Variants in LRRC7 observed in about 807,000 individuals in gnomAD.
The protein encoded by LRRC7 is leucine-rich repeat-containing protein 7.
In LRRC7, 23 loss-of-function variants were observed where a neutral mutation model predicts 175.7. The ratio of observed to expected loss-of-function variants is 0.13; its 90% confidence interval spans 0.09 to 0.19. The LOEUF is 0.19. LRRC7 is among the 10% of genes least tolerant of loss of function. The pLI, the probability that LRRC7 is intolerant of heterozygous loss-of-function variation, is 1.00. For synonymous variants in LRRC7, 685 were observed against 680.9 expected (o/e 1.01, Z -0.09); for missense variants, 1,354 against 1,904.7 (o/e 0.71, Z 5.38).
chr1:69,648,070 G>T (rs972861251), intron 1 of LRRC7, among the ~76,000 whole-genome samples: 11 of 151,852 alleles, frequency 7.2e-5, no homozygotes, highest in South Asian at 2.1e-4. Context: ...TAATTTTAAT[G>T]ATTCAATTTT....
At chr1:69,986,847 C>T (rs1004551890) in intron 10 of LRRC7, among the ~76,000 whole-genome samples, 2 of 152,096 alleles carry the variant, frequency 1.3e-5, no homozygotes, top group African/African-American at 4.8e-5. Flanking sequence ...CTTCTTAGTT[C>T]TATTATTTTT....
intron 7 of LRRC7, among the ~76,000 whole-genome samples, chr1:69,889,003 C>T (rs1645749175): frequency 6.6e-6 from 1 of 152,170 alleles, no homozygotes; most frequent in East Asian, 1.9e-4. Flanking sequence ...TGCATATAAA[C>T]ATTATGTTTA....
chr1:69,836,015 A>G (rs1405383635), intron 6 of LRRC7, among the ~76,000 whole-genome samples: 1 of 151,970 alleles, frequency 6.6e-6, no homozygotes, highest in African/African-American at 2.4e-5. Flanking sequence ...ATATATCTCA[A>G]TAACTAGGAC....
intron 1 of LRRC7, among the ~76,000 whole-genome samples, chr1:69,580,446 T>C (rs781139613): frequency 2.0e-5 from 3 of 152,146 alleles, no homozygotes; most frequent in Non-Finnish European, 4.4e-5. Context: ...TCTCAGTTGG[T>C]AATTTTGTGC....
intron 2 of LRRC7, among the ~76,000 whole-genome samples, chr1:69,691,183 GA>G: frequency 6.6e-6 from 1 of 152,254 alleles, no homozygotes; most frequent in Non-Finnish European, 1.5e-5. Flanking sequence ...TGAATGGGCT[GA>G]AAGTTTGGTT....
intron 2 of LRRC7, among the ~76,000 whole-genome samples, chr1:69,688,823 A>G (rs1290633626): frequency 2.6e-5 from 4 of 152,188 alleles, no homozygotes; most frequent in Admixed American, 2.6e-4. Context: ...TAATATTAGA[A>G]GTAATCTCAG....
At chr1:70,030,669 C>T (rs1310185326) in intron 18 of LRRC7, among the ~76,000 whole-genome samples, 9 of 152,058 alleles carry the variant, frequency 5.9e-5, no homozygotes, top group Non-Finnish European at 1.2e-4. Flanking sequence ...GGGTATTATA[C>T]ACTGCATGAT....
intron 2 of LRRC7, among the ~76,000 whole-genome samples, chr1:69,681,863 TA>T (rs754498152): frequency 1.3e-5 from 2 of 152,196 alleles, no homozygotes; most frequent in Non-Finnish European, 2.9e-5. Flanking sequence ...TATGTTGCTA[TA>T]ATAGTTTTCT....
At position 69,781,928 on chromosome 1, in the gene LRRC7, G is replaced by GAA. The variant is rs1397527292; in HGVS notation, c.304-10113_304-10112dup. ...GAAAGAAAAAGAAGAAAGAAAGAAA[G>GAA]AAAGAAAGAAAGAGAAAAGAAAAGA... On this transcript the variant is annotated intron_variant, in intron 3 of 26. Coordinates refer to ENST00000651989, the MANE Select transcript of LRRC7 (RefSeq NM_001370785.2). 3.5e-3 allele frequency among the ~76,000 whole-genome samples: 497 copies of GAA among 141,894 alleles called. 14 individuals are homozygous for GAA. Among genetic ancestry groups the GAA allele is most frequent in the African/African-American group, 0.012 (439 of 37,148 alleles). 93.1% of individuals were successfully genotyped at this position (141,894 alleles called of 152,430 possible).
chr1:70,053,448 C>A (rs532612173), intron 23 of LRRC7, among the ~76,000 whole-genome samples: 2 of 152,280 alleles, frequency 1.3e-5, no homozygotes, highest in Admixed American at 1.3e-4. Flanking sequence ...TGACATACTT[C>A]CGACTCTCTT....
intron 2 of LRRC7, among the ~76,000 whole-genome samples, chr1:69,708,747 C>G (rs1437329920): frequency 6.6e-6 from 1 of 152,094 alleles, no homozygotes; most frequent in Non-Finnish European, 1.5e-5. Flanking sequence ...CAACTCTGCT[C>G]CATATGTCGC....
At chr1:69,811,019 G>C (rs139217432) in intron 4 of LRRC7, among the ~76,000 whole-genome samples, 1 of 152,036 alleles carries the variant, frequency 6.6e-6, no homozygotes, top group Non-Finnish European at 1.5e-5. Context: ...TTTGCAATCT[G>C]TCCATCTGAC....
rs570816877 is a variant in LRRC7, at chr1:69,699,686, T to G, written c.100+21208T>G. ...AGTTTTTGCCTGTGGGGTTCACGTG[T>G]CCCTCCAGGCAGCTTTACTGAACAG... On this transcript the variant is annotated intron_variant, in intron 2 of 26. Coordinates refer to ENST00000651989, the MANE Select transcript of LRRC7 (RefSeq NM_001370785.2). Among the ~76,000 whole-genome samples, 6 of 150,560 alleles carry G rather than the reference T, an allele frequency of 4.0e-5. No individual in the cohort carries two copies. In the East Asian group the frequency reaches 9.7e-4, roughly 24 times the overall value.
rs1666838687 is a variant in LRRC7, at chr1:70,135,678, A to G, written c.*13791A>G. Among the ~76,000 whole-genome samples, 1 of 152,246 alleles carries G rather than the reference A, an allele frequency of 6.6e-6. No individual in the cohort carries two copies. The highest frequency in any genetic ancestry group is 6.5e-5 in the Admixed American group (1 of 15,286). ...GATGATCATTAAGCTAGAATCTGTA[A>G]AAGAGAAAGTTGTTAGATAGTGAAC... is the stretch of plus-strand genomic sequence containing the variant. On this transcript the variant is annotated 3_prime_UTR_variant, in exon 27 of 27. Coordinates refer to ENST00000651989, the MANE Select transcript of LRRC7 (RefSeq NM_001370785.2).
chr1:69,619,844 A>G (rs1650272574), intron 1 of LRRC7, among the ~76,000 whole-genome samples: 1 of 152,192 alleles, frequency 6.6e-6, no homozygotes, highest in African/African-American at 2.4e-5. Flanking sequence ...AACTCAGTGA[A>G]CCAGTAGTTT....
At chr1:69,726,037 A>G (rs1397788689) in intron 2 of LRRC7, among the ~76,000 whole-genome samples, 2 of 152,262 alleles carry the variant, frequency 1.3e-5, no homozygotes, top group African/African-American at 4.8e-5. Context: ...AACCTAGAGA[A>G]AGATGGAACA....
At chr1:70,004,726 C>A (rs1230390270) in intron 11 of LRRC7, among the ~76,000 whole-genome samples, 1 of 151,670 alleles carries the variant, frequency 6.6e-6, no homozygotes, top group Non-Finnish European at 1.5e-5. Flanking sequence ...TCTCTCTCCC[C>A]CCGGCTCTCT....
intron 5 of LRRC7, among the ~76,000 whole-genome samples, chr1:69,826,068 T>A: frequency 6.6e-6 from 1 of 152,100 alleles, no homozygotes; most frequent in Non-Finnish European, 1.5e-5. Context: ...TTGTCACCAT[T>A]TTCCACAGCT....
chr1:69,905,430 C>G (rs939144360), intron 7 of LRRC7, among the ~76,000 whole-genome samples: 1 of 152,066 alleles, frequency 6.6e-6, no homozygotes, highest in African/African-American at 2.4e-5. Context: ...ACAACAGTCC[C>G]CAGAGTGTGA....
Sources: allele counts gnomAD v4.1 joint callset (sites outside exome capture counted in the v4.1 genomes callset), GRCh38; gene constraint gnomAD v4.1.1; transcripts MANE v1.5; gene names NCBI Gene and HGNC (gene_info 2026-07-23, HGNC 2026-07-21).